The following HERC2 variants were observed in gnomAD, a reference collection of about 807,000 sequenced individuals.
HERC2 encodes HECT and RLD domain containing E3 ubiquitin protein ligase 2, also known as E3 ubiquitin-protein ligase HERC2.
Under a neutral mutation model 537.7 loss-of-function variants are expected in HERC2, and 102 were observed. The ratio of observed to expected loss-of-function variants is 0.19; its 90% CI spans 0.16 to 0.22. The LOEUF is 0.22. Ranked by LOEUF, HERC2 falls within the 10% of genes least tolerant of loss-of-function variation. HERC2 has a pLI of 1.00. For synonymous variants in HERC2, 2,224 were observed against 2,466.2 expected (o/e 0.90, Z 2.91); for missense variants, 4,236 against 6,198.2 (o/e 0.68, Z 10.63).
intron 20 of HERC2, 52 bp downstream of exon 20, chr15:28,254,287 AC>A: frequency 1.8e-5 from 24 of 1,333,122 alleles, no homozygotes; most frequent in South Asian, 9.4e-5. Flanking sequence ...TGTCACACAC[AC>A]AAAAAAAAGT....
intron 67 of HERC2, 111 bp downstream of exon 67, chr15:28,168,296 A>G: frequency 9.5e-7 from 1 of 1,052,258 alleles, no homozygotes; most frequent in Non-Finnish European, 1.4e-6. Flanking sequence ...CCAAAAATCT[A>G]AGCGGGAGGC....
chr15:28,180,763 T>C (rs1481207792), intron 57 of HERC2, among the ~76,000 whole-genome samples: 1 of 152,228 alleles, frequency 6.6e-6, no homozygotes, highest in Non-Finnish European at 1.5e-5. Context: ...ACTAAATATG[T>C]ACAGATATTT....
intron 2 of HERC2, among the ~76,000 whole-genome samples, chr15:28,319,384 C>G (rs1198790807): frequency 6.6e-6 from 1 of 151,340 alleles, no homozygotes; most frequent in Non-Finnish European, 1.5e-5. Flanking sequence ...GTCAGGAGAC[C>G]AGCCAGGCCA....
chr15:28,176,340 C>A lies in HERC2; in HGVS notation c.9686+88G>T. The A allele has an allele frequency of 1.6e-6, 2 of 1,233,112 alleles. No individual in the cohort carries two copies. The highest frequency in any genetic ancestry group is 1.3e-5 in the South Asian group (1 of 74,132). The allele number at this position is 1,233,112 out of a possible 1,614,324, so 76.4% of individuals were successfully genotyped here. On this transcript the variant is annotated intron_variant, in intron 63 of 92. Transcript: ENST00000261609. This position sits in a 1 kb window ranked among gnomAD's most constrained non-coding sequence, Gnocchi z 5.0. ...AAGTAAAAAGAGGACACGTCACAAT[C>A]ACGCCGGGTGAGCCTGGGGCGAGGC...
intron 26 of HERC2, among the ~76,000 whole-genome samples, chr15:28,235,761 A>C (rs559429879): frequency 3.1e-4 from 47 of 152,242 alleles, no homozygotes; most frequent in Non-Finnish European, 3.7e-4. Flanking sequence ...CATCAACAAG[A>C]AGCAGCTGAA....
intron 65 of HERC2, among the ~76,000 whole-genome samples, chr15:28,172,208 A>G (rs1259912789): frequency 6.6e-6 from 1 of 152,220 alleles, no homozygotes. Flanking sequence ...TCCTTTCCAC[A>G]TTGACTTACA....
intron 69 of HERC2, among the ~76,000 whole-genome samples, chr15:28,155,126 T>C (rs572649261): frequency 2.6e-5 from 4 of 152,248 alleles, no homozygotes; most frequent in Non-Finnish European, 1.5e-5. Flanking sequence ...TAGTATTCCA[T>C]GGTGTATATA....
intron 21 of HERC2, 108 bp downstream of exon 21, chr15:28,248,444 A>T: frequency 1.4e-6 from 1 of 735,112 alleles, no homozygotes. Context: ...TGGTGCATTT[A>T]GTAGTATAAC....
chr15:28,135,867 T>C (rs1890582329), intron 78 of HERC2, among the ~76,000 whole-genome samples, 175 bp from the exon 79 acceptor site: 1 of 152,218 alleles, frequency 6.6e-6, no homozygotes, highest in South Asian at 2.1e-4. Flanking sequence ...ATCAAAGTTC[T>C]AGAAATGAAA....
intron 90 of HERC2, 130 bp downstream of exon 90, chr15:28,114,482 C>A: frequency 1.4e-6 from 1 of 739,372 alleles, no homozygotes; most frequent in Non-Finnish European, 2.2e-6. Context: ...ACCCACAGAT[C>A]AGCAATAGTT....
intron 81 of HERC2, 141 bp downstream of exon 81, chr15:28,131,959 A>G: frequency 1.6e-6 from 1 of 618,296 alleles, no homozygotes; most frequent in Non-Finnish European, 2.7e-6. Flanking sequence ...AACGAAGGTA[A>G]AGAGGAGGTT....
At chr15:28,266,071 C>T (rs2140958078) in intron 12 of HERC2, 97 bp from the exon 13 acceptor site, 1 of 1,341,080 alleles carries the variant, frequency 7.5e-7, no homozygotes, top group South Asian at 1.4e-5. Flanking sequence ...TTTAGACCAG[C>T]ATAGCATCAG....
chr15:28,277,902 G>C (rs2075917919), intron 5 of HERC2, among the ~76,000 whole-genome samples: 1 of 152,094 alleles, frequency 6.6e-6, no homozygotes, highest in Non-Finnish European at 1.5e-5. Context: ...GGATGCTCAA[G>C]TCCCTGATAT....
chr15:28,236,445 C>CACG (rs1441515404), intron 26 of HERC2, among the ~76,000 whole-genome samples: 1 of 151,792 alleles, frequency 6.6e-6, no homozygotes, highest in Non-Finnish European at 1.5e-5. Context: ...CACCCGTCAC[C>CACG]ACGCCCAGCT....
At chr15:28,161,825 T>C (rs1479239614) in intron 69 of HERC2, among the ~76,000 whole-genome samples, 1 of 152,212 alleles carries the variant, frequency 6.6e-6, no homozygotes, top group Non-Finnish European at 1.5e-5. Context: ...CTAAGAAGTT[T>C]TGTAAATAGA....
At chr15:28,316,222 CAAAAA>C (rs869089875) in intron 2 of HERC2, among the ~76,000 whole-genome samples, 23 of 50,556 alleles carry the variant, frequency 4.5e-4, no homozygotes, top group South Asian at 2.1e-3. Context: ...GACTCTGTCT[CAAAAA>C]AAAAAAAAAA....
Position 28,245,555 on chromosome 15 carries a change from A to AT in HERC2, c.3577+325_3577+326insA, listed in dbSNP as rs1395423796. Among the ~76,000 whole-genome samples, 37 of 126,640 alleles carry AT rather than the reference A, an allele frequency of 2.9e-4. No homozygotes were observed. In the East Asian group the frequency reaches 7.3e-3, roughly 25 times the overall value. The allele number at this position is 126,640 out of a possible 152,430, so 83.1% of individuals were successfully genotyped here. ...GAGCAAGATGTAGTGTCAAAAAAAA[A>AT]AAAAAATATATACACACACACACAC... On this transcript the variant is annotated intron_variant, in intron 23 of 92. Transcript: ENST00000261609.
chr15:28,228,482 C>T (rs1231665195), intron 34 of HERC2, 73 bp from the exon 35 acceptor site: 31 of 1,368,710 alleles, frequency 2.3e-5, no homozygotes, highest in East Asian at 4.6e-5. Context: ...AAAGCACGGG[C>T]GATTACTCTA....
Position 28,191,249 on chromosome 15 carries a change from A to C in HERC2, c.8452-5T>G. ...AATCTCCAAACGAATCCAGTGCTTTAGAAAAACAAAAAAACCACATTCTCA... is the reference window on the plus strand; with the variant it reads ...AATCTCCAAACGAATCCAGTGCTTTCGAAAAACAAAAAAACCACATTCTCA... On this transcript the variant is annotated splice_region_variant and splice_polypyrimidine_tract_variant and intron_variant, in intron 53 of 92. Transcript: ENST00000261609. 6.3e-7 allele frequency: 1 copy of C among 1,595,708 alleles called. No individual in the cohort carries two copies. The highest frequency in any genetic ancestry group is 8.6e-7 in the Non-Finnish European group (1 of 1,168,824).
Sources: gnomAD v4.1 joint callset for allele counts (sites outside exome capture counted in the v4.1 genomes callset) on GRCh38, gnomAD v4.1.1 for gene constraint, Gnocchi (gnomAD v3.1) non-coding constraint, MANE v1.5 for transcripts, NCBI Gene and HGNC (gene_info 2026-07-23, HGNC 2026-07-21) for gene names.